Variants in SLC35D2 observed in about 807,000 individuals in gnomAD.
SLC35D2 encodes nucleotide sugar transporter SLC35D2.
A neutral mutation model predicts 41.8 loss-of-function variants in SLC35D2; 43 were observed. The observed-to-expected ratio is 1.03, with a 90% CI of 0.81 to 1.33. The LOEUF is 1.33. Among genes scored for constraint, SLC35D2 ranks in the 40% most tolerant of loss-of-function variants. The pLI is 0.00. For synonymous variants in SLC35D2, 150 were observed against 163.9 expected (o/e 0.92, Z 0.65); for missense variants, 380 against 408.4 (o/e 0.93, Z 0.60).
intron 6 of SLC35D2, among the ~76,000 whole-genome samples, chr9:96,349,041 C>A (rs981853447): frequency 6.6e-6 from 1 of 152,130 alleles, no homozygotes; most frequent in African/African-American, 2.4e-5. Context: ...GGGAGAAGCC[C>A]AGGGAATTTC....
intron 9 of SLC35D2, among the ~76,000 whole-genome samples, chr9:96,326,450 T>C (rs1022584686): frequency 1.3e-5 from 2 of 152,120 alleles, no homozygotes; most frequent in African/African-American, 4.8e-5. Context: ...TATAGAAAAA[T>C]TGTTAGCCTT....
Position 96,344,011 on chromosome 9 carries a change from A to C in SLC35D2, c.592-15T>G. 6.5e-7 allele frequency: 1 copy of C among 1,541,968 alleles called. No homozygotes were observed. Among genetic ancestry groups the C allele is most frequent in the Non-Finnish European group, 8.8e-7 (1 of 1,137,186 alleles). Reference sequence around the variant, plus strand: ...TTCCCTAGCTCCTGCAAAAACAAAAATGTAAAAACCACTCAGTTTCAGAAA... The same window carrying C: ...TTCCCTAGCTCCTGCAAAAACAAAACTGTAAAAACCACTCAGTTTCAGAAA... On this transcript the variant is annotated splice_polypyrimidine_tract_variant and intron_variant, in intron 7 of 11. Transcript: ENST00000253270.
intron 6 of SLC35D2, among the ~76,000 whole-genome samples, chr9:96,346,909 G>C (rs1224983121): frequency 6.6e-6 from 1 of 152,044 alleles, no homozygotes; most frequent in Non-Finnish European, 1.5e-5. Flanking sequence ...GGCCAAGGTG[G>C]GTGGATCACC....
chr9:96,322,658 G>A (rs4523395), intron 10 of SLC35D2, among the ~76,000 whole-genome samples: 22,168 of 151,076 alleles, frequency 0.15, 1,925 homozygotes, highest in East Asian at 0.29. Context: ...GAGTGGGGCT[G>A]TCATCAGCTT....
chr9:96,339,467 A>G (rs958937075), intron 8 of SLC35D2, among the ~76,000 whole-genome samples: 1 of 152,206 alleles, frequency 6.6e-6, no homozygotes, highest in African/African-American at 2.4e-5. Flanking sequence ...AGACGGTATT[A>G]GTGGCATTTT....
chr9:96,363,350 A>G (rs943410913), intron 3 of SLC35D2, among the ~76,000 whole-genome samples: 1 of 152,198 alleles, frequency 6.6e-6, no homozygotes, highest in Non-Finnish European at 1.5e-5. Context: ...TCTGTCTGAT[A>G]AATAATCCAG....
intron 8 of SLC35D2, among the ~76,000 whole-genome samples, chr9:96,338,637 T>G (rs2130888586): frequency 6.6e-6 from 1 of 152,268 alleles, no homozygotes; most frequent in East Asian, 1.9e-4. Context: ...GTTTGTCATG[T>G]CACTCCGTCT....
rs536458245 is a variant in SLC35D2 at position 96,364,177 on chromosome 9, CA to C, written c.279+286del. 4.0e-5 allele frequency among the ~76,000 whole-genome samples: 6 copies of C among 151,604 alleles called. No homozygotes were observed. In the South Asian group the frequency reaches 1.3e-3, roughly 32 times the overall value. On this transcript the variant is annotated intron_variant, in intron 3 of 11. Coordinates refer to ENST00000253270, the MANE Select transcript of SLC35D2 (RefSeq NM_007001.3). ...CTAAAAATACAAAAACAAAACAAAA[CA>C]AAAAAAATTAGCTGGGAATGGTGGC...
At chr9:96,321,425 C>T (rs902610261) in intron 11 of SLC35D2, 84 bp from the exon 12 acceptor site, 1 of 853,220 alleles carries the variant, frequency 1.2e-6, no homozygotes, top group South Asian at 1.4e-5. Context: ...TTTATCAATA[C>T]ACCTGCTTCA....
At chr9:96,351,991 C>A in intron 5 of SLC35D2, 47 bp downstream of exon 5, 1 of 1,227,324 alleles carries the variant, frequency 8.1e-7, no homozygotes, top group Non-Finnish European at 1.2e-6. Flanking sequence ...AAAAGAAATG[C>A]AGTGGGTGGG....
At chr9:96,320,440 C>T (rs537184730), downstream of SLC35D2, among the ~76,000 whole-genome samples, 35 of 151,570 alleles carry the variant, frequency 2.3e-4, no homozygotes, top group South Asian at 4.2e-4. Flanking sequence ...CACTTGAACC[C>T]GGGTGGCAGA....
intron 8 of SLC35D2, among the ~76,000 whole-genome samples, chr9:96,337,237 A>G (rs150908883): frequency 6.6e-6 from 1 of 152,122 alleles, no homozygotes; most frequent in African/African-American, 2.4e-5. Context: ...TTTTCAGACC[A>G]GGTCTTGCTC....
chr9:96,364,374 T>A, intron 3 of SLC35D2, 90 bp downstream of exon 3: 1 of 808,546 alleles, frequency 1.2e-6, no homozygotes, highest in Non-Finnish European at 2.1e-6. Flanking sequence ...AGGCAGGAAG[T>A]ACAGTGTGTA....
intron 5 of SLC35D2, among the ~76,000 whole-genome samples, chr9:96,351,584 A>G (rs192314889): frequency 1.3e-5 from 2 of 152,300 alleles, no homozygotes; most frequent in East Asian, 1.9e-4. Context: ...AACTTTTTGG[A>G]TATCAGACTA....
rs1386565828 is a variant in SLC35D2 at position 96,358,075 on chromosome 9, ATATTT to A, written c.347+2074_347+2078del. The stretch of plus-strand genomic sequence containing the variant: ...TATAAATGGATAAACAAAATATTAT[ATATTT>A]TATATATATATATATATATATATAT... On this transcript the variant is annotated intron_variant, in intron 4 of 11. Transcript: ENST00000253270. Among the ~76,000 whole-genome samples, 115 of 91,502 alleles carry A rather than the reference ATATTT, an allele frequency of 1.3e-3. 3 individuals are homozygous for A. Among genetic ancestry groups the A allele is most frequent in the African/African-American group, 6.1e-3 (102 of 16,830 alleles). 60.0% of individuals were successfully genotyped at this position (91,502 alleles called of 152,430 possible). A position where few individuals can be genotyped will look rare whatever the true frequency, so the allele number is the denominator to read the frequency against.
intron 10 of SLC35D2, among the ~76,000 whole-genome samples, chr9:96,323,096 G>A (rs150783380): frequency 4.2e-4 from 64 of 150,810 alleles, no homozygotes; most frequent in Middle Eastern, 3.4e-3. Context: ...GCCAAGTAGT[G>A]AGTTAATTAT....
chr9:96,336,930 G>A, intron 8 of SLC35D2, 146 bp from the exon 9 acceptor site: 2 of 563,452 alleles, frequency 3.5e-6, no homozygotes, highest in Non-Finnish European at 6.4e-6. Flanking sequence ...TACTAGTTGT[G>A]GGACATTGGG....
rs924358117 is a variant in SLC35D2, at chr9:96,326,146, T to C, written c.753-1977A>G. 2.0e-5 allele frequency among the ~76,000 whole-genome samples: 3 copies of C among 151,188 alleles called. No individual in the cohort carries two copies. In the South Asian group the frequency reaches 6.3e-4, roughly 32 times the overall value. On this transcript the variant is annotated intron_variant, in intron 9 of 11. Coordinates refer to ENST00000253270, the MANE Select transcript of SLC35D2 (RefSeq NM_007001.3). ...GAGCGTCGAAGTCTGCATCAGGATT[T>C]GAATGTTTTTAAGAAGCTGATTTAC...
rs529098570 is a variant in SLC35D2 at position 96,331,388 on chromosome 9, C to T, written c.752+5329G>A. On this transcript the variant is annotated intron_variant, in intron 9 of 11. Transcript: ENST00000253270. Reference sequence around the variant, plus strand: ...ATAATTGTTCCTCGACCCCTCCTTTCACATGTAACACGTGGATTCAGTGAG... The same window carrying T: ...ATAATTGTTCCTCGACCCCTCCTTTTACATGTAACACGTGGATTCAGTGAG... Among the ~76,000 whole-genome samples the T allele has an allele frequency of 1.6e-4, 24 of 152,294 alleles. No homozygotes were observed. In the South Asian group the frequency reaches 4.6e-3, roughly 29 times the overall value.
Sources: allele counts gnomAD v4.1 joint callset (sites outside exome capture counted in the v4.1 genomes callset), GRCh38; gene constraint gnomAD v4.1.1; transcripts MANE v1.5; gene names NCBI Gene and HGNC (gene_info 2026-07-23, HGNC 2026-07-21).